The following PYY variants were observed in gnomAD, a reference collection of about 807,000 sequenced individuals.
PYY encodes peptide tyrosine tyrosine.
In PYY, 12 loss-of-function variants were observed where a neutral mutation model predicts 10.3. The observed-to-expected ratio is 1.17, with a 90% CI of 0.75 to 1.89. The LOEUF (loss-of-function observed/expected upper bound fraction) is 1.89, where lower values mean the gene tolerates loss of function less well. PYY is among the 40% of genes most tolerant of loss of function. The pLI is 0.00. For synonymous variants in PYY, 66 were observed against 62.0 expected, an observed-to-expected ratio of 1.06 and a Z score of -0.30; for missense variants, 141 against 134.0, an observed-to-expected ratio of 1.05 and a Z score of -0.26.
chr17:43,965,032 G>A (rs145663374), intron 2 of PYY, among the ~76,000 whole-genome samples: 368 of 152,312 alleles, frequency 2.4e-3, no homozygotes, highest in African/African-American at 5.1e-3. Flanking sequence ...TCCTGACTTT[G>A]ATTTGGAAAT....
At chr17:43,985,112 G>T (rs896987774) in intron 1 of PYY, among the ~76,000 whole-genome samples, 3 of 152,134 alleles carry the variant, frequency 2.0e-5, no homozygotes, top group Non-Finnish European at 4.4e-5. Context: ...TATTCACAAC[G>T]TATACAACCA....
intron 1 of PYY, among the ~76,000 whole-genome samples, chr17:43,969,977 C>G (rs965579734): frequency 5.3e-5 from 8 of 151,780 alleles, no homozygotes; most frequent in Non-Finnish European, 8.8e-5. Context: ...CTCCTGACCT[C>G]ATGATACATC....
intron 1 of PYY, among the ~76,000 whole-genome samples, chr17:43,971,778 T>C (rs2048795579): frequency 6.6e-6 from 1 of 152,054 alleles, no homozygotes; most frequent in Admixed American, 6.6e-5. Context: ...ATATGTGATT[T>C]GCAACTATTT....
intron 2 of PYY, among the ~76,000 whole-genome samples, chr17:43,963,773 G>A (rs962651463): frequency 1.3e-5 from 2 of 151,270 alleles, no homozygotes; most frequent in African/African-American, 4.9e-5. Context: ...TTCGAGACTA[G>A]ACTGGGCAAC....
chr17:43,959,592 G>T (rs1048809027), intron 2 of PYY, among the ~76,000 whole-genome samples: 4 of 152,246 alleles, frequency 2.6e-5, no homozygotes, highest in Non-Finnish European at 5.9e-5. Context: ...TGAGGCAGGA[G>T]AATCACTTGA....
intron 1 of PYY, among the ~76,000 whole-genome samples, chr17:43,974,587 G>A (rs2048816464): frequency 6.6e-6 from 1 of 152,172 alleles, no homozygotes; most frequent in African/African-American, 2.4e-5. Context: ...TGAAATAATG[G>A]CTGTCAGAAG....
At chr17:43,979,506 A>G (rs538985730) in intron 1 of PYY, among the ~76,000 whole-genome samples, 17 of 152,018 alleles carry the variant, frequency 1.1e-4, no homozygotes, top group Admixed American at 3.3e-4. Context: ...ATGCTTATGG[A>G]TGACATAGTG....
chr17:43,978,154 C>T (rs1325245344), intron 1 of PYY, among the ~76,000 whole-genome samples: 1 of 148,280 alleles, frequency 6.7e-6, no homozygotes, highest in East Asian at 2.0e-4. Context: ...CATGATTATG[C>T]CACCAGACAT....
At chr17:43,994,564 G>C (rs2048978517) in intron 1 of PYY, among the ~76,000 whole-genome samples, 1 of 152,180 alleles carries the variant, frequency 6.6e-6, no homozygotes, top group Non-Finnish European at 1.5e-5. Flanking sequence ...CAGTGATTGA[G>C]GCTAGGACTC....
intron 1 of PYY, among the ~76,000 whole-genome samples, chr17:43,985,997 C>G (rs112240675): frequency 6.6e-5 from 10 of 152,258 alleles, no homozygotes; most frequent in African/African-American, 2.4e-4. Flanking sequence ...TGGCTCACGC[C>G]TGTAATCCCA....
chr17:43,983,057 C>A (rs2048893525), intron 1 of PYY, among the ~76,000 whole-genome samples: 1 of 152,028 alleles, frequency 6.6e-6, no homozygotes, highest in Non-Finnish European at 1.5e-5. Flanking sequence ...CATGGTGAAA[C>A]CCCGTCTCTA....
intron 1 of PYY, among the ~76,000 whole-genome samples, chr17:43,995,166 G>A (rs752130410): frequency 7.6e-4 from 115 of 152,232 alleles, no homozygotes; most frequent in Non-Finnish European, 1.4e-3. Flanking sequence ...GGGTATTTTG[G>A]CGGCTGGACC....
rs189457491 is a variant in PYY at position 43,989,201 on chromosome 17, C to G, written c.-463+15190G>C. On this transcript the variant is annotated intron_variant, in intron 1 of 6. Coordinates refer to the PYY transcript ENST00000360085. Reference sequence around the variant, plus strand: ...CATCCTGGCTAACACGGTGAAACCCCGTCTCTGCTAAAAATACAAAAAATT... The same window carrying G: ...CATCCTGGCTAACACGGTGAAACCCGGTCTCTGCTAAAAATACAAAAAATT... Among the ~76,000 whole-genome samples, 7 of 152,040 alleles carry G rather than the reference C, an allele frequency of 4.6e-5. No individual in the cohort carries two copies. The East Asian group carries it at 7.8e-4, about 17-fold the overall frequency.
intron 1 of PYY, among the ~76,000 whole-genome samples, chr17:43,969,546 T>C (rs1817101842): frequency 7.0e-6 from 1 of 143,798 alleles, no homozygotes; most frequent in South Asian, 2.2e-4. Flanking sequence ...CAAATGCTCA[T>C]ATTGATTGAT....
chr17:43,974,599 T>C (rs2048816508), intron 1 of PYY, among the ~76,000 whole-genome samples: 1 of 152,150 alleles, frequency 6.6e-6, no homozygotes, highest in Non-Finnish European at 1.5e-5. Flanking sequence ...TGTCAGAAGC[T>C]CAGGACTGTT....
intron 1 of PYY, among the ~76,000 whole-genome samples, chr17:43,990,309 C>T (rs570012384): frequency 4.7e-4 from 71 of 151,748 alleles, no homozygotes; most frequent in Admixed American, 4.5e-3. Flanking sequence ...CACAGTGGCA[C>T]ACACCTGTAA....
At chr17:43,985,878 CA>C (rs796370639) in intron 1 of PYY, among the ~76,000 whole-genome samples, 3 of 151,926 alleles carry the variant, frequency 2.0e-5, no homozygotes, top group African/African-American at 7.2e-5. Context: ...AAGCAGAATA[CA>C]AAAAAATACC....
chr17:43,968,547 C>A (rs919059375), intron 1 of PYY, among the ~76,000 whole-genome samples: 7 of 152,218 alleles, frequency 4.6e-5, no homozygotes, highest in African/African-American at 1.7e-4. Flanking sequence ...CGCGGTGGCT[C>A]ATGCCTACAA....
At chr17:43,961,179 T>A (rs79923694) in intron 2 of PYY, among the ~76,000 whole-genome samples, 1,635 of 151,702 alleles carry the variant, frequency 0.011, 30 homozygotes, top group African/African-American at 0.037. Flanking sequence ...TGAGTTGTGA[T>A]TGCTCCACTG....
Sources: allele counts gnomAD v4.1 joint callset (sites outside exome capture counted in the v4.1 genomes callset), GRCh38; gene constraint gnomAD v4.1.1; transcripts MANE v1.5; gene names NCBI Gene and HGNC (gene_info 2026-07-23, HGNC 2026-07-21).